CHD8: variants seen among roughly 807,000 people sequenced by gnomAD.
CHD8 encodes the protein ATP-dependent chromatin remodeler CHD8.
In CHD8, 31 loss-of-function variants were observed where a neutral mutation model predicts 279.2. The observed-to-expected ratio is 0.11, with a 90% CI of 0.08 to 0.15. CHD8 has a LOEUF of 0.15. Ranked by LOEUF, CHD8 falls within the 10% of genes least tolerant of loss-of-function variation. The probability of loss-of-function intolerance (pLI) is 1.00; values close to 1 mark genes in which losing one functional copy is unlikely to be tolerated. For synonymous variants in CHD8, 1,081 were observed against 1,139.6 expected, an observed-to-expected ratio of 0.95 and a Z score of 1.04; for missense variants, 2,146 against 3,230.5, an observed-to-expected ratio of 0.66 and a Z score of 8.14.
Position 21,395,052 on chromosome 14 carries a change from C to A in CHD8, c.5250G>T (p.Arg1750=), listed in dbSNP as rs1415311331. 1 of 1,614,044 alleles carries A rather than the reference C, an allele frequency of 6.2e-7. No individual in the cohort carries two copies. Among genetic ancestry groups the A allele is most frequent in the Non-Finnish European group, 8.5e-7 (1 of 1,179,904 alleles). The part of the protein sequence containing the change: ...PPGSALTARL[R]RLVTAYQRSY... The stretch of plus-strand genomic sequence containing the variant: ...TGCGCTGATACGCTGTTACTAGACG[C>A]CGAAGCCTAGCTGTTAGGGCAGAGC... Residue 1750 remains arginine (R), a synonymous_variant, in exon 30 of 38, where the codon CGG becomes CGT. Coordinates refer to ENST00000646647, the MANE Select transcript of CHD8 (RefSeq NM_001170629.2).
rs1887960996 is a variant in CHD8, at chr14:21,400,019, T to C, written c.4779A>G (p.Gly1593=). 4.3e-6 allele frequency: 7 copies of C among 1,613,608 alleles called. No homozygotes were observed. The highest frequency in any genetic ancestry group is 5.9e-6 in the Non-Finnish European group (7 of 1,179,846). ...MLYYLRQEVI[G]DQAEKVLGGA... ...CCCCTAACACCTTTTCTGCTTGGTC[T>C]CCAATAACCTCCTGCCTCAGGTAGT... is the stretch of plus-strand genomic sequence containing the variant. The change falls in exon 25 of 38, where the codon GGA becomes GGG. Residue 1593 remains glycine, a synonymous_variant. Transcript: ENST00000646647. This position sits in a 1 kb window ranked among gnomAD's most constrained non-coding sequence, Gnocchi z 4.2.
intron 10 of CHD8, among the ~76,000 whole-genome samples, chr14:21,410,905 G>C (rs61973172): frequency 0.016 from 2,470 of 152,180 alleles, 34 homozygotes; most frequent in Non-Finnish European, 0.026. Flanking sequence ...TCTATATAAA[G>C]CCATTTGTCC....
intron 1 of CHD8, among the ~76,000 whole-genome samples, chr14:21,433,453 G>T (rs1430965989): frequency 5.3e-5 from 8 of 152,146 alleles, no homozygotes; most frequent in African/African-American, 1.7e-4. Context: ...GTCTTGCTTG[G>T]TAAGACCATT....
intron 37 of CHD8, among the ~76,000 whole-genome samples, chr14:21,387,159 T>C (rs531913585): frequency 6.6e-5 from 10 of 152,336 alleles, no homozygotes; most frequent in African/African-American, 2.2e-4. Context: ...GTCCCAAGAA[T>C]AACGTAGTGC....
chr14:21,386,106 C>G lies in CHD8; in HGVS notation c.7253G>C (p.Arg2418Pro). 6.4e-7 allele frequency: 1 copy of G among 1,556,820 alleles called. No individual in the cohort carries two copies. The highest frequency in any genetic ancestry group is 8.7e-7 in the Non-Finnish European group (1 of 1,149,752). Residue 2418 changes from arginine (R) to proline (P), a missense_variant, in exon 38 of 38, where the codon CGG becomes CCG. Transcript: ENST00000646647. ...AAGGTCTGGTCGCATCCTACGGGCC[C>G]GCTTCTTGCTGCTCTCTGGTGCAAT... ...GPIAPESSKK[R>P]ARRMRPDLSK...
At chr14:21,422,853 T>A (rs913230525) in intron 5 of CHD8, among the ~76,000 whole-genome samples, 2 of 151,690 alleles carry the variant, frequency 1.3e-5, no homozygotes, top group African/African-American at 4.9e-5. Flanking sequence ...TGCTCGAACC[T>A]GGGAGGCAGA....
intron 26 of CHD8, 80 bp from the exon 27 acceptor site, chr14:21,398,032 T>G (rs1175674345): frequency 3.0e-6 from 4 of 1,331,836 alleles, no homozygotes; most frequent in South Asian, 1.4e-5. Flanking sequence ...CTGGAATAAT[T>G]AGAATATGTT....
Position 21,402,005 on chromosome 14 carries a change from A to G in CHD8, c.4014T>C (p.Thr1338=), listed in dbSNP as rs1252057610. 1 of 1,613,558 alleles carries G rather than the reference A, an allele frequency of 6.2e-7. No individual in the cohort carries two copies. The highest frequency in any genetic ancestry group is 8.5e-7 in the Non-Finnish European group (1 of 1,179,758). The change falls in exon 20 of 38, where the codon ACT becomes ACC. Residue 1338 remains threonine, a synonymous_variant. Coordinates refer to ENST00000646647, the MANE Select transcript of CHD8 (RefSeq NM_001170629.2). This position sits in a 1 kb window ranked among gnomAD's most constrained non-coding sequence, Gnocchi z 4.5. ...CTTCAGATTCAATGGTGATGGTTGT[A>G]GTTCGTCTTAACAAGATCTGGTCAA... ...EDIDQILLRR[T]TTITIESEGK... is the part of the protein sequence containing the mutation.
intron 1 of CHD8, among the ~76,000 whole-genome samples, chr14:21,443,535 A>G (rs1018010333): frequency 1.1e-4 from 16 of 151,884 alleles, no homozygotes; most frequent in African/African-American, 3.4e-4. Flanking sequence ...CAATTATATC[A>G]AACAAAGCAA....
chr14:21,386,452 T>C (rs1223297905), intron 37 of CHD8: 1 of 483,430 alleles, frequency 2.1e-6, no homozygotes, highest in African/African-American at 1.9e-5. Context: ...ATGACTATAT[T>C]GTATCTTTAC....
rs529333927 is a variant in CHD8, at chr14:21,398,989, C to T, written c.4921+613G>A. The T allele has an allele frequency of 2.9e-5, 12 of 418,288 alleles. No homozygotes were observed. In the East Asian group the frequency reaches 8.1e-4, roughly 28 times the overall value. 25.9% of individuals were successfully genotyped at this position (418,288 alleles called of 1,614,324 possible). A position where few individuals can be genotyped will look rare whatever the true frequency, so the allele number is the denominator to read the frequency against. ...ACCCTTGAGGTCCAGCCGAGTGACA[C>T]CAGTGAAAATGTCAAAGCCAAGATC... is the stretch of plus-strand genomic sequence containing the variant. On this transcript the variant is annotated intron_variant, in intron 26 of 37. Transcript: ENST00000646647.
At chr14:21,394,889 AC>A (rs1887709304) in intron 30 of CHD8, 22 bp downstream of exon 30, 1 of 1,610,512 alleles carries the variant, frequency 6.2e-7, no homozygotes, top group African/African-American at 1.3e-5. Flanking sequence ...ACAGATCAGC[AC>A]AAGTTCCCAG....
In CHD8 at chr14:21,408,288, G is replaced by C. The variant is rs1198145131; in HGVS notation, c.2730+24C>G. ...CTTGGCCGACTTTCTCTAACTCATAGTATTCCCAAGACATGCAACTCACCC... is the reference window on the plus strand; with the variant it reads ...CTTGGCCGACTTTCTCTAACTCATACTATTCCCAAGACATGCAACTCACCC... On this transcript the variant is annotated intron_variant, in intron 13 of 37. Transcript: ENST00000646647. This position sits in a 1 kb window ranked among gnomAD's most constrained non-coding sequence, Gnocchi z 4.3. 4 of 1,603,398 alleles carry C rather than the reference G, an allele frequency of 2.5e-6. No homozygotes were observed. The highest frequency in any genetic ancestry group is 3.4e-6 in the Non-Finnish European group (4 of 1,174,752).
intron 36 of CHD8, 49 bp from the exon 37 acceptor site, chr14:21,391,112 G>T (rs1296018865): frequency 8.6e-7 from 1 of 1,157,084 alleles, no homozygotes; most frequent in Admixed American, 2.0e-5. Context: ...ATCTTCTCTG[G>T]AGTAATTATT....
intron 27 of CHD8, chr14:21,397,445 T>C (rs755414199): frequency 2.2e-5 from 11 of 490,852 alleles, no homozygotes; most frequent in African/African-American, 5.8e-5. Context: ...TCAGGTACCA[T>C]TGGGAGATGA....
In CHD8 at chr14:21,393,768, G is replaced by A. The variant is rs772162812; in HGVS notation, c.6027C>T (p.Pro2009=). ...LRPDAPVEKS[P]EETATQVPSL... ...TGGGGACCTGGGTAGCTGTCTCCTC[G>A]GGTGACTTTTCAACAGGAGCATCTG... Residue 2009 remains proline, a synonymous_variant, in exon 32 of 38, where the codon CCC becomes CCT. Transcript: ENST00000646647. 2.5e-6 allele frequency: 4 copies of A among 1,613,860 alleles called. No individual in the cohort carries two copies. The highest frequency in any genetic ancestry group is 2.2e-5 in the East Asian group (1 of 44,868).
chr14:21,437,351 G>A lies in CHD8; in HGVS notation c.-215-5493C>T, dbSNP rs990264425. The A allele has an allele frequency of 3.3e-5, 29 of 891,086 alleles. 1 individual carries two copies. In the South Asian group the frequency reaches 3.6e-4, roughly 11 times the overall value. 55.2% of individuals were successfully genotyped at this position (891,086 alleles called of 1,614,324 possible). On this transcript the variant is annotated intron_variant, in intron 1 of 37. Transcript: ENST00000646647. ...ACCAAAGGCGAAAAGACGCAAAACA[G>A]CGCAAAGGGTGGGACTATAAGGAGC...
chr14:21,405,328 G>A lies in CHD8; in HGVS notation c.3188C>T (p.Ala1063Val). 2 of 1,609,106 alleles carry A rather than the reference G, an allele frequency of 1.2e-6. No homozygotes were observed. The highest frequency in any genetic ancestry group is 1.7e-6 in the Non-Finnish European group (2 of 1,177,338). ...GAAGGAGAAATTCTTCTCCAAAATAGCCCGATAGTATTTCTTCTGGATATT... is the reference window on the plus strand; with the variant it reads ...GAAGGAGAAATTCTTCTCCAAAATAACCCGATAGTATTTCTTCTGGATATT... ...LTNIQKKYYR[A>V]ILEKNFSFLS... The change falls in exon 16 of 38, where the codon GCT (alanine) becomes GTT (valine). Residue 1063 changes from alanine (A) to valine (V), a missense_variant. This residue lies in a region of CHD8 where 211 missense variants were observed against 464.7 expected (regional missense o/e 0.45). Coordinates refer to ENST00000646647, the MANE Select transcript of CHD8 (RefSeq NM_001170629.2). This position sits in a 1 kb window ranked among gnomAD's most constrained non-coding sequence, Gnocchi z 4.2.
chr14:21,441,801 A>C (rs1301422488), intron 1 of CHD8, among the ~76,000 whole-genome samples: 1 of 152,226 alleles, frequency 6.6e-6, no homozygotes, highest in Non-Finnish European at 1.5e-5. Context: ...AGGCAGGAGA[A>C]TGGCATGAAC....
Sources: gnomAD v4.1 joint callset for allele counts (sites outside exome capture counted in the v4.1 genomes callset) on GRCh38, gnomAD v4.1.1 for gene constraint, gnomAD v4.1.1 regional missense constraint, Gnocchi (gnomAD v3.1) non-coding constraint, MANE v1.5 for transcripts, NCBI Gene and HGNC (gene_info 2026-07-23, HGNC 2026-07-21) for gene names.